PRAG1: variants seen among roughly 807,000 people sequenced by gnomAD.
The protein encoded by PRAG1 is inactive tyrosine-protein kinase PRAG1.
In PRAG1, 110 loss-of-function variants were observed where a neutral mutation model predicts 95.6. The observed-to-expected ratio is 1.15, with a 90% confidence interval of 0.99 to 1.35. PRAG1 has a LOEUF of 1.35. PRAG1 is among the 40% of genes most tolerant of loss of function. The probability of loss-of-function intolerance (pLI) is 0.00; values close to 1 mark genes in which losing one functional copy is unlikely to be tolerated. For missense variants in PRAG1, 2,554 were observed against 1,864.7 expected (o/e 1.37, Z -6.81); for synonymous variants, 1,052 against 819.4 (o/e 1.28, Z -4.85).
intron 3 of PRAG1, chr8:8,374,563 G>T: frequency 2.6e-6 from 2 of 779,710 alleles, no homozygotes; most frequent in Non-Finnish European, 3.1e-6. Flanking sequence ...TCTTAGGGCT[G>T]TTCTGAGGAT....
At chr8:8,379,955 G>A (rs1800576029) in intron 2 of PRAG1, among the ~76,000 whole-genome samples, 1 of 152,142 alleles carries the variant, frequency 6.6e-6, no homozygotes. Context: ...ATTCTGAAGT[G>A]TGGGGCCAGG....
intron 2 of PRAG1, among the ~76,000 whole-genome samples, chr8:8,379,968 T>A (rs1259467611): frequency 6.6e-6 from 1 of 152,192 alleles, no homozygotes; most frequent in Non-Finnish European, 1.5e-5. Context: ...GGGCCAGGCA[T>A]GGTGGCTTAT....
intron 4 of PRAG1, among the ~76,000 whole-genome samples, chr8:8,332,377 G>A (rs1244982808): frequency 3.3e-5 from 5 of 151,992 alleles, no homozygotes; most frequent in Non-Finnish European, 5.9e-5. Flanking sequence ...TGGCCAGGCT[G>A]GTCTTGAACT....
chr8:8,377,818 G>A lies in PRAG1; in HGVS notation c.591C>T (p.Tyr197=), dbSNP rs1324495479. The A allele has an allele frequency of 1.2e-6, 2 of 1,614,048 alleles. No homozygotes were observed. Among genetic ancestry groups the A allele is most frequent in the East Asian group, 4.5e-5 (2 of 44,898 alleles). ...TCTCCTGGGTGGAGGGCCGGTCTTG[G>A]TAAGGAAATGAGGGTTTTTCTTTGT... ...AVHKEKPSFP[Y]QDRPSTQESF... The change falls in exon 3 of 6, where the codon TAC becomes TAT. Residue 197 remains tyrosine (Y), a synonymous_variant. Coordinates refer to ENST00000615670, the MANE Select transcript of PRAG1 (RefSeq NM_001080826.3).
chr8:8,376,815 T>C lies in PRAG1; in HGVS notation c.1594A>G (p.Ser532Gly), dbSNP rs1484042785. ...GLSSRESHAH[S>G]ASESKPKERP... ...TCCTTGGGCTTGCTCTCGCTGGCAC[T>C]GTGAGCATGGCTTTCCCTGGAGCTC... is the stretch of plus-strand genomic sequence containing the variant. Residue 532 changes from serine to glycine, a missense_variant, in exon 3 of 6, where the codon AGT becomes GGT. Coordinates refer to ENST00000615670, the MANE Select transcript of PRAG1 (RefSeq NM_001080826.3). The C allele has an allele frequency of 1.2e-6, 2 of 1,612,184 alleles. No individual in the cohort carries two copies. The highest frequency in any genetic ancestry group is 2.2e-5 in the East Asian group (1 of 44,868).
Position 8,350,851 on chromosome 8 carries a change from TA to T in PRAG1, c.2163-11217del, listed in dbSNP as rs372617365. ...GAAAGATTCAATGAGTTATTATTTA[TA>T]AACTGCTCAAAACAGCACCATGTAC... On this transcript the variant is annotated intron_variant, in intron 3 of 5. Transcript: ENST00000615670. 5.2e-3 allele frequency among the ~76,000 whole-genome samples: 790 copies of T among 152,252 alleles called. 7 individuals carry two copies. Among genetic ancestry groups the T allele is most frequent in the African/African-American group, 0.018 (760 of 41,518 alleles).
At chr8:8,325,425 G>T (rs569209039) in intron 5 of PRAG1, among the ~76,000 whole-genome samples, 11 of 152,284 alleles carry the variant, frequency 7.2e-5, no homozygotes, top group African/African-American at 2.2e-4. Flanking sequence ...CCTGTTTAGA[G>T]GGCTAAGGCT....
chr8:8,361,676 T>G (rs1208698075), intron 3 of PRAG1, among the ~76,000 whole-genome samples: 1 of 152,242 alleles, frequency 6.6e-6, no homozygotes, highest in African/African-American at 2.4e-5. Context: ...GAGCAGCCCA[T>G]CTTTAATAAG....
chr8:8,324,076 G>C (rs1798554577), intron 5 of PRAG1, among the ~76,000 whole-genome samples: 1 of 152,216 alleles, frequency 6.6e-6, no homozygotes, highest in Non-Finnish European at 1.5e-5. Flanking sequence ...CTCAGCGCCA[G>C]GCCCAGCCCA....
In PRAG1 at chr8:8,377,781, T is replaced by G; in HGVS notation, c.628A>C (p.Lys210Gln). 2 of 1,614,152 alleles carry G rather than the reference T, an allele frequency of 1.2e-6. No homozygotes were observed. Among genetic ancestry groups the G allele is most frequent in the Non-Finnish European group, 1.7e-6 (2 of 1,180,042 alleles). ...RPSTQESFRQ[K>Q]LAAFAGTTSG... ...GTGGTCCCAGCAAAGGCAGCCAGTT[T>G]CTGGCGGAAGCTCTCCTGGGTGGAG... The change falls in exon 3 of 6, where the codon AAA (lysine) becomes CAA (glutamine). Residue 210 changes from lysine (K) to glutamine (Q), a missense_variant. Lys to Gln is a moderately conservative substitution (Grantham distance 53). Transcript: ENST00000615670.
At chr8:8,369,653 C>T (rs975819085) in intron 3 of PRAG1, among the ~76,000 whole-genome samples, 3 of 151,976 alleles carry the variant, frequency 2.0e-5, no homozygotes, top group Non-Finnish European at 1.5e-5. Flanking sequence ...GTTAAGCATG[C>T]ACTTTACCTT....
intron 3 of PRAG1, among the ~76,000 whole-genome samples, chr8:8,356,788 A>G (rs1799695679): frequency 6.6e-6 from 1 of 152,210 alleles, no homozygotes; most frequent in Non-Finnish European, 1.5e-5. Flanking sequence ...TTCAAAACTG[A>G]TACAAAACTA....
Position 8,319,020 on chromosome 8 carries a change from C to T in PRAG1, c.3355G>A (p.Glu1119Lys), listed in dbSNP as rs778245423. The T allele has an allele frequency of 1.2e-6, 2 of 1,613,368 alleles. No individual in the cohort carries two copies. The highest frequency in any genetic ancestry group is 1.7e-5 in the Admixed American group (1 of 60,014). The change falls in exon 6 of 6, where the codon GAG becomes AAG. Residue 1119 changes from glutamate (E) to lysine (K), a missense_variant. By Grantham distance (56) the Glu-to-Lys change is moderately conservative. Coordinates refer to ENST00000615670, the MANE Select transcript of PRAG1 (RefSeq NM_001080826.3). ...ASHQAEPEAY[E>K]RRVCFLLLQL... ...AGAAGCAGGAAGCACACGCGCCGCTCGTACGCCTCGGGCTCCGCCTGGTGG... is the reference window on the plus strand; with the variant it reads ...AGAAGCAGGAAGCACACGCGCCGCTTGTACGCCTCGGGCTCCGCCTGGTGG...
In PRAG1 at chr8:8,377,941, G is replaced by C. The variant is rs17668988; in HGVS notation, c.468C>G (p.Pro156=). Residue 156 remains proline (P), a synonymous_variant, in exon 3 of 6, where the codon CCC becomes CCG. Coordinates refer to ENST00000615670, the MANE Select transcript of PRAG1 (RefSeq NM_001080826.3). The part of the protein sequence containing the change: ...STSPDGNSRC[P]PAYTMVGLHN... ...GCAGGCCGACCATGGTGTAAGCTGG[G>C]GGACAGCGAGAATTGCCATCAGGGG... is the stretch of plus-strand genomic sequence containing the variant. 7,073 of 1,613,994 alleles carry C rather than the reference G, an allele frequency of 4.4e-3. 75 individuals carry two copies. The highest frequency in any genetic ancestry group is 3.7e-3 in the Non-Finnish European group (4,389 of 1,179,998).
chr8:8,340,793 C>T (rs1300296071), intron 3 of PRAG1, among the ~76,000 whole-genome samples: 1 of 152,156 alleles, frequency 6.6e-6, no homozygotes, highest in Non-Finnish European at 1.5e-5. Context: ...TCCCTCTCCC[C>T]ACTCCCAACC....
In PRAG1 at chr8:8,352,118, A is replaced by C. The variant is rs80232676; in HGVS notation, c.2163-12483T>G. Among the ~76,000 whole-genome samples the C allele has an allele frequency of 5.3e-5, 8 of 152,326 alleles. No individual in the cohort carries two copies. The East Asian group carries it at 1.2e-3, about 22-fold the overall frequency. On this transcript the variant is annotated intron_variant, in intron 3 of 5. Transcript: ENST00000615670. ...TTGAACCAGCTTCAGTGTATTTTAT[A>C]CTAGACTTCATTTCTACCCTTCTAG...
chr8:8,377,823 G>A lies in PRAG1; in HGVS notation c.586C>T (p.Pro196Ser). 1 of 1,614,156 alleles carries A rather than the reference G, an allele frequency of 6.2e-7. No individual in the cohort carries two copies. The highest frequency in any genetic ancestry group is 2.2e-5 in the East Asian group (1 of 44,874). The change falls in exon 3 of 6, where the codon CCT (proline) becomes TCT (serine). Residue 196 changes from proline to serine, a missense_variant. Coordinates refer to ENST00000615670, the MANE Select transcript of PRAG1 (RefSeq NM_001080826.3). ...KAVHKEKPSF[P>S]YQDRPSTQES... The stretch of plus-strand genomic sequence containing the variant: ...TGGGTGGAGGGCCGGTCTTGGTAAG[G>A]AAATGAGGGTTTTTCTTTGTGCACA...
At chr8:8,329,106 CT>C (rs1798740238) in intron 4 of PRAG1, among the ~76,000 whole-genome samples, 1 of 152,172 alleles carries the variant, frequency 6.6e-6, no homozygotes, top group South Asian at 2.1e-4. Flanking sequence ...AAAATTCTCC[CT>C]TTTGGCTGGG....
rs760279552 is a variant in PRAG1 at position 8,377,061 on chromosome 8, C to G, written c.1348G>C (p.Ala450Pro). Residue 450 changes from alanine (A) to proline (P), a missense_variant, in exon 3 of 6, where the codon GCC becomes CCC. Physicochemically the swap from Ala to Pro is conservative, Grantham distance 27. Transcript: ENST00000615670. ...CCAGATGCTGCTTTCTGGGCCCAGG[C>G]ATTACCTGTGCATACCTGGCCTTGG... ...QGQGQVCTGN[A>P]WAQKAASGWG... 1 of 1,614,024 alleles carries G rather than the reference C, an allele frequency of 6.2e-7. No individual in the cohort carries two copies. Among genetic ancestry groups the G allele is most frequent in the Non-Finnish European group, 8.5e-7 (1 of 1,180,036 alleles).
Sources: allele counts gnomAD v4.1 joint callset (sites outside exome capture counted in the v4.1 genomes callset), GRCh38; gene constraint gnomAD v4.1.1; transcripts MANE v1.5; gene names NCBI Gene and HGNC (gene_info 2026-07-23, HGNC 2026-07-21).